Variants in CD38 observed in about 807,000 individuals in gnomAD.
The protein encoded by CD38 is CD38 molecule, also known as ADP-ribosyl cyclase/cyclic ADP-ribose hydrolase 1.
In CD38, 31 loss-of-function variants were observed where a neutral mutation model predicts 36.3. The ratio of observed to expected loss-of-function variants is 0.85; its 90% CI spans 0.64 to 1.15. The LOEUF is 1.15. CD38 is among the 50% of genes most tolerant of loss of function. The pLI, the probability that CD38 is intolerant of heterozygous loss-of-function variation, is 0.00. For synonymous variants in CD38, 131 were observed against 135.2 expected, an observed-to-expected ratio of 0.97 and a Z score of 0.22; for missense variants, 380 against 371.9, an observed-to-expected ratio of 1.02 and a Z score of -0.18.
intron 1 of CD38, among the ~76,000 whole-genome samples, chr4:15,784,655 A>C (rs1722772055): frequency 6.6e-6 from 1 of 152,146 alleles, no homozygotes; most frequent in Non-Finnish European, 1.5e-5. Flanking sequence ...TGAGACCATG[A>C]GATTCAGTAG....
chr4:15,784,221 G>A (rs1259782212), intron 1 of CD38, among the ~76,000 whole-genome samples: 1 of 152,238 alleles, frequency 6.6e-6, no homozygotes, highest in Non-Finnish European at 1.5e-5. Context: ...GTGAATTGCT[G>A]AATATGTGAG....
intron 3 of CD38, among the ~76,000 whole-genome samples, chr4:15,829,396 A>AACT (rs1450098864): frequency 6.6e-6 from 1 of 152,118 alleles, no homozygotes; most frequent in Non-Finnish European, 1.5e-5. Flanking sequence ...TAGTTATTTT[A>AACT]AAACAGGGGT....
At chr4:15,813,213 C>A (rs73226579) in intron 1 of CD38, among the ~76,000 whole-genome samples, 1 of 152,150 alleles carries the variant, frequency 6.6e-6, no homozygotes, top group East Asian at 1.9e-4. Context: ...TAAGGGGGAG[C>A]ATCCAGTCTT....
chr4:15,778,684 G>A lies in CD38; in HGVS notation c.233+37G>A, dbSNP rs1439415909. 2.9e-6 allele frequency: 4 copies of A among 1,391,554 alleles called. No individual in the cohort carries two copies. In the South Asian group the frequency reaches 3.5e-5, roughly 12 times the overall value. 86.2% of individuals were successfully genotyped at this position (1,391,554 alleles called of 1,614,324 possible). A position where few individuals can be genotyped will look rare whatever the true frequency, so the allele number is the denominator to read the frequency against. Reference sequence around the variant, plus strand: ...ACTAAGGCGCACCGGTGGGCACTGCGGGGACAGCAGGGCCCCGCGCGCAGG... The same window carrying A: ...ACTAAGGCGCACCGGTGGGCACTGCAGGGACAGCAGGGCCCCGCGCGCAGG... On this transcript the variant is annotated intron_variant, in intron 1 of 7. Coordinates refer to ENST00000226279, the MANE Select transcript of CD38 (RefSeq NM_001775.4). The surrounding 1 kb of genome is among the most constrained non-coding windows in gnomAD (Gnocchi z 4.9).
chr4:15,797,320 A>G (rs6819300), intron 1 of CD38, among the ~76,000 whole-genome samples: 65,184 of 152,078 alleles, frequency 0.43, 15,939 homozygotes, highest in African/African-American at 0.68. Context: ...TAAGTGCTAT[A>G]TAGTATCCTA....
chr4:15,787,703 C>A (rs1190742817), intron 1 of CD38, among the ~76,000 whole-genome samples: 4 of 152,318 alleles, frequency 2.6e-5, no homozygotes, highest in African/African-American at 9.6e-5. Flanking sequence ...GCCCTGCAGA[C>A]CCTGGCTGAG....
chr4:15,810,966 A>G (rs1412881590), intron 1 of CD38, among the ~76,000 whole-genome samples: 1 of 152,210 alleles, frequency 6.6e-6, no homozygotes, highest in Non-Finnish European at 1.5e-5. Context: ...CCCTAGCCCA[A>G]TCCTAGTGAG....
chr4:15,840,845 G>C (rs1053173996), intron 7 of CD38, among the ~76,000 whole-genome samples: 1 of 152,120 alleles, frequency 6.6e-6, no homozygotes, highest in East Asian at 1.9e-4. Context: ...GAGTGGCCCA[G>C]TCCAGGGTTC....
At chr4:15,783,270 T>C (rs796788454) in intron 1 of CD38, among the ~76,000 whole-genome samples, 11 of 152,214 alleles carry the variant, frequency 7.2e-5, no homozygotes, top group African/African-American at 1.4e-4. Flanking sequence ...GGGTGGGGCC[T>C]GCAGGAGGGA....
At chr4:15,780,546 A>G (rs1722674290) in intron 1 of CD38, among the ~76,000 whole-genome samples, 2 of 151,608 alleles carry the variant, frequency 1.3e-5, no homozygotes, top group Non-Finnish European at 2.9e-5. Flanking sequence ...ACACACACAC[A>G]CACACACACA....
At chr4:15,804,186 T>C (rs1723292303) in intron 1 of CD38, among the ~76,000 whole-genome samples, 1 of 152,196 alleles carries the variant, frequency 6.6e-6, no homozygotes, top group Non-Finnish European at 1.5e-5. Flanking sequence ...GTAGTGGGAT[T>C]TCTGGGTTGA....
At chr4:15,793,167 C>G (rs955108394) in intron 1 of CD38, among the ~76,000 whole-genome samples, 1 of 152,012 alleles carries the variant, frequency 6.6e-6, no homozygotes, top group Non-Finnish European at 1.5e-5. Context: ...TCCCTTGAGT[C>G]TGTACACACT....
At chr4:15,796,989 T>C (rs763281713) in intron 1 of CD38, among the ~76,000 whole-genome samples, 4 of 152,212 alleles carry the variant, frequency 2.6e-5, no homozygotes, top group African/African-American at 4.8e-5. Context: ...ATTCTGGAAG[T>C]AGAATTGCTA....
At chr4:15,780,518 T>TCACACA (rs59324393) in intron 1 of CD38, among the ~76,000 whole-genome samples, 127 of 140,112 alleles carry the variant, frequency 9.1e-4, no homozygotes, top group South Asian at 1.2e-3. Context: ...ATTCTCTCTC[T>TCACACA]CACACACACA....
At chr4:15,799,705 T>C (rs1243086682) in intron 1 of CD38, among the ~76,000 whole-genome samples, 4 of 152,200 alleles carry the variant, frequency 2.6e-5, no homozygotes, top group Non-Finnish European at 5.9e-5. Flanking sequence ...AGTGTACAAG[T>C]TATTGTATGG....
In CD38 at chr4:15,782,812, C is replaced by G. The variant is rs1313174271; in HGVS notation, c.233+4165C>G. 1.3e-5 allele frequency among the ~76,000 whole-genome samples: 2 copies of G among 152,186 alleles called. 1 individual carries two copies. The highest frequency in any genetic ancestry group is 4.1e-4 in the South Asian group (2 of 4,834). Reference sequence around the variant, plus strand: ...CTTGGTTGTCCTTTTCCAAACATCTCTCAACAATTTCTCCCAAGTCCATCT... The same window carrying G: ...CTTGGTTGTCCTTTTCCAAACATCTGTCAACAATTTCTCCCAAGTCCATCT... On this transcript the variant is annotated intron_variant, in intron 1 of 7. Transcript: ENST00000226279.
At chr4:15,831,072 G>T (rs745516761) in intron 3 of CD38, among the ~76,000 whole-genome samples, 7 of 151,960 alleles carry the variant, frequency 4.6e-5, no homozygotes, top group Non-Finnish European at 1.0e-4. Context: ...CTTAAAAATA[G>T]TATCTTATAT....
intron 4 of CD38, among the ~76,000 whole-genome samples, chr4:15,836,351 G>A (rs1043735672): frequency 1.3e-5 from 2 of 152,136 alleles, no homozygotes; most frequent in African/African-American, 4.8e-5. Context: ...TCATAAGGGT[G>A]TTAATCCCAT....
In CD38 at chr4:15,837,391, A is replaced by G. The variant is rs561136861; in HGVS notation, c.586-701A>G. Among the ~76,000 whole-genome samples the G allele has an allele frequency of 5.9e-5, 9 of 152,188 alleles. No individual in the cohort carries two copies. In the South Asian group the frequency reaches 1.7e-3, roughly 28 times the overall value. ...GTGGGTAGGTTAAACTCATCATTATAATACAATACAGTTGGATAATGTGGA... is the reference window on the plus strand; with the variant it reads ...GTGGGTAGGTTAAACTCATCATTATGATACAATACAGTTGGATAATGTGGA... On this transcript the variant is annotated intron_variant, in intron 4 of 7. Transcript: ENST00000226279.
Sources: gnomAD v4.1 joint callset for allele counts (sites outside exome capture counted in the v4.1 genomes callset) on GRCh38, gnomAD v4.1.1 for gene constraint, Gnocchi (gnomAD v3.1) non-coding constraint, MANE v1.5 for transcripts, NCBI Gene and HGNC (gene_info 2026-07-23, HGNC 2026-07-21) for gene names.